Variants in CDH12 observed in about 807,000 individuals in gnomAD.
CDH12 encodes the protein cadherin 12.
In CDH12, 41 loss-of-function variants were observed where a neutral mutation model predicts 74.1. The ratio of observed to expected loss-of-function variants is 0.55; its 90% confidence interval spans 0.43 to 0.72. CDH12 has a LOEUF of 0.72. CDH12 is among the 30% of genes least tolerant of loss of function. CDH12 has a pLI of 0.00. For missense variants in CDH12, 945 were observed against 977.2 expected (o/e 0.97, Z 0.44); for synonymous variants, 399 against 355.0 (o/e 1.12, Z -1.39).
intron 3 of CDH12, among the ~76,000 whole-genome samples, chr5:22,360,258 G>A (rs1477211421): frequency 5.3e-5 from 8 of 152,032 alleles, no homozygotes; most frequent in Admixed American, 2.0e-4. Context: ...TATCACCACC[G>A]ATCCCACAGA....
intron 12 of CDH12, among the ~76,000 whole-genome samples, chr5:21,762,367 GAATA>G (rs1332830374): frequency 6.6e-6 from 1 of 151,720 alleles, no homozygotes; most frequent in Non-Finnish European, 1.5e-5. Flanking sequence ...ATTTTTTTCA[GAATA>G]AATAGATGAA....
intron 6 of CDH12, among the ~76,000 whole-genome samples, chr5:21,878,951 AGAGG>A: frequency 6.6e-6 from 1 of 151,852 alleles, no homozygotes; most frequent in African/African-American, 2.4e-5. Flanking sequence ...GGAAAGAAAG[AGAGG>A]GAGGGAGGAA....
Position 22,708,923 on chromosome 5 carries a change from C to T in CDH12, c.-523+144135G>A, listed in dbSNP as rs901943733. Among the ~76,000 whole-genome samples the T allele has an allele frequency of 2.6e-5, 4 of 152,138 alleles. No homozygotes were observed. In the South Asian group the frequency reaches 6.2e-4, roughly 24 times the overall value. ...ACCGGCCACTGAAAGCGCCGCCACC[C>T]TGTGGTCACTGTTCTTGATTCAGAA... is the stretch of plus-strand genomic sequence containing the variant. On this transcript the variant is annotated intron_variant, in intron 1 of 14. Transcript: ENST00000382254.
In CDH12 at chr5:21,827,259, A is replaced by G. The variant is rs1243782235; in HGVS notation, c.815-10127T>C. Among the ~76,000 whole-genome samples, 7 of 152,272 alleles carry G rather than the reference A, an allele frequency of 4.6e-5. No homozygotes were observed. In the East Asian group the frequency reaches 1.4e-3, roughly 29 times the overall value. On this transcript the variant is annotated intron_variant, in intron 8 of 14. Transcript: ENST00000382254. ...ATCCATAAGATCTTTTAAAATTCAGAAAATTCAAAATTCTTAATTTTAGCT... is the reference window on the plus strand; with the variant it reads ...ATCCATAAGATCTTTTAAAATTCAGGAAATTCAAAATTCTTAATTTTAGCT...
At chr5:21,925,181 T>G (rs1000106933) in intron 6 of CDH12, among the ~76,000 whole-genome samples, 25 of 152,200 alleles carry the variant, frequency 1.6e-4, no homozygotes, top group African/African-American at 5.5e-4. Context: ...ATGTGGAATC[T>G]TCCTACAAAT....
chr5:21,889,686 A>G lies in CDH12; in HGVS notation c.527-34896T>C, dbSNP rs1055854190. ...TGAATGCTGAACAAAATCAGAAAGTATTCTCCAGTTCTTCTGCATTCTAGA... is the reference window on the plus strand; with the variant it reads ...TGAATGCTGAACAAAATCAGAAAGTGTTCTCCAGTTCTTCTGCATTCTAGA... On this transcript the variant is annotated intron_variant, in intron 6 of 14. Transcript: ENST00000382254. 6.1e-6 allele frequency: 6 copies of G among 985,042 alleles called. No homozygotes were observed. In the African/African-American group the frequency reaches 8.8e-5, roughly 14 times the overall value. 61.0% of individuals were successfully genotyped at this position (985,042 alleles called of 1,614,324 possible).
chr5:22,533,078 CTG>C (rs970763610), intron 1 of CDH12, among the ~76,000 whole-genome samples: 103 of 152,216 alleles, frequency 6.8e-4, no homozygotes, highest in African/African-American at 2.1e-3. Context: ...GTATTGCACC[CTG>C]TCTTTGTTAT....
intron 4 of CDH12, among the ~76,000 whole-genome samples, chr5:22,151,522 G>T (rs1325558615): frequency 2.6e-5 from 4 of 152,080 alleles, no homozygotes; most frequent in Non-Finnish European, 5.9e-5. Context: ...CACCAAAAGG[G>T]TTAACTCTTT....
chr5:22,639,013 G>C (rs748316837), intron 1 of CDH12: 1 of 132,536 alleles, frequency 7.5e-6, no homozygotes, highest in Non-Finnish European at 1.5e-5. Context: ...ATCCCGCCAG[G>C]GCACTCCAGC....
chr5:22,824,036 T>G (rs1355378405), intron 1 of CDH12, among the ~76,000 whole-genome samples: 2 of 152,072 alleles, frequency 1.3e-5, no homozygotes, highest in African/African-American at 4.8e-5. Context: ...ATAATAATGA[T>G]AAAGAGATAA....
In CDH12 at chr5:22,078,820, T is replaced by C. The variant is rs1009741009; in HGVS notation, c.-144A>G. 4.5e-5 allele frequency: 64 copies of C among 1,433,860 alleles called. 1 individual carries two copies. Among genetic ancestry groups the C allele is most frequent in the Middle Eastern group, 5.1e-4 (2 of 3,896 alleles). The allele number at this position is 1,433,860 out of a possible 1,614,324, so 88.8% of individuals were successfully genotyped here. ...ATGATGATGCAGGCATTAATCCTTT[T>C]GATGAAAAGGCTTCTGCTGTATTAT... is the stretch of plus-strand genomic sequence containing the variant. On this transcript the variant is annotated 5_prime_UTR_variant, in exon 5 of 15. Transcript: ENST00000382254.
chr5:22,093,917 T>C, intron 4 of CDH12, among the ~76,000 whole-genome samples: 1 of 152,304 alleles, frequency 6.6e-6, no homozygotes, highest in Admixed American at 6.5e-5. Context: ...CATGTGTTAA[T>C]ATATTTTACA....
At chr5:22,753,030 C>A (rs1745677622) in intron 1 of CDH12, among the ~76,000 whole-genome samples, 1 of 151,982 alleles carries the variant, frequency 6.6e-6, no homozygotes, top group African/African-American at 2.4e-5. Flanking sequence ...AGCTTCAATG[C>A]GAATGACCAA....
chr5:21,952,287 T>G (rs1452935120), intron 6 of CDH12, among the ~76,000 whole-genome samples: 1 of 152,094 alleles, frequency 6.6e-6, no homozygotes, highest in African/African-American at 2.4e-5. Context: ...GAGGCCTGAG[T>G]GTTCTTAGGT....
At chr5:22,775,117 T>C (rs544293411) in intron 1 of CDH12, among the ~76,000 whole-genome samples, 1 of 151,922 alleles carries the variant, frequency 6.6e-6, no homozygotes, top group Non-Finnish European at 1.5e-5. Flanking sequence ...ATACAGCTCA[T>C]GGGCAATTAT....
At chr5:21,840,557 A>C (rs1256380253) in intron 8 of CDH12, among the ~76,000 whole-genome samples, 1 of 152,084 alleles carries the variant, frequency 6.6e-6, no homozygotes, top group African/African-American at 2.4e-5. Flanking sequence ...AGCCAATCCT[A>C]AGCCAAAAGA....
chr5:22,571,593 C>T (rs1288286960), intron 1 of CDH12, among the ~76,000 whole-genome samples: 1 of 152,208 alleles, frequency 6.6e-6, no homozygotes, highest in African/African-American at 2.4e-5. Flanking sequence ...TCCCAAAGTG[C>T]TGGGATTACA....
At chr5:22,433,787 C>G (rs1274499118) in intron 2 of CDH12, among the ~76,000 whole-genome samples, 8 of 152,120 alleles carry the variant, frequency 5.3e-5, no homozygotes, top group Non-Finnish European at 1.5e-5. Flanking sequence ...TGTGAATGCC[C>G]TTCAACTATG....
intron 3 of CDH12, among the ~76,000 whole-genome samples, chr5:22,378,602 C>T (rs1427108616): frequency 6.6e-6 from 1 of 151,980 alleles, no homozygotes; most frequent in African/African-American, 2.4e-5. Flanking sequence ...ACTAAGAGAA[C>T]ATCATTTCAC....
Sources: gnomAD v4.1 joint callset for allele counts (sites outside exome capture counted in the v4.1 genomes callset) on GRCh38, gnomAD v4.1.1 for gene constraint, MANE v1.5 for transcripts, NCBI Gene and HGNC (gene_info 2026-07-23, HGNC 2026-07-21) for gene names.